The following SORBS2 variants were observed in gnomAD, a reference collection of about 807,000 sequenced individuals.
SORBS2 encodes the protein sorbin and SH3 domain containing 2.
A neutral mutation model predicts 97.7 loss-of-function variants in SORBS2; 46 were observed. The ratio of observed to expected loss-of-function variants is 0.47; its 90% CI spans 0.37 to 0.60. The LOEUF is 0.60. Ranked by LOEUF, SORBS2 falls within the 20% of genes least tolerant of loss-of-function variation. The pLI, the probability that SORBS2 is intolerant of heterozygous loss-of-function variation, is 0.00. For synonymous variants in SORBS2, 476 were observed against 473.4 expected (o/e 1.01, Z -0.07); for missense variants, 1,316 against 1,282.3 (o/e 1.03, Z -0.40).
At chr4:185,598,448 G>A (rs555171830) in intron 12 of SORBS2, among the ~76,000 whole-genome samples, 1 of 152,166 alleles carries the variant, frequency 6.6e-6, no homozygotes, top group Admixed American at 6.5e-5. Context: ...AAACATCATG[G>A]AGTCTGTAAC....
At chr4:185,656,440 CTTT>C (rs35080375) in intron 1 of SORBS2, among the ~76,000 whole-genome samples, 1 of 141,038 alleles carries the variant, frequency 7.1e-6, no homozygotes. Flanking sequence ...CTTACCACGG[CTTT>C]TTTTTTTTTT....
At chr4:185,643,372 G>C (rs939647914) in intron 4 of SORBS2, among the ~76,000 whole-genome samples, 3 of 152,218 alleles carry the variant, frequency 2.0e-5, no homozygotes, top group Non-Finnish European at 4.4e-5. Flanking sequence ...GGTGGGAGGA[G>C]AGATGAGGCT....
In SORBS2 at chr4:185,670,047, C is replaced by T. The variant is rs28404172; in HGVS notation, c.-45-7805G>A. ...CAGCCTGGACAACATGGTGAAACCC[C>T]GTCTCTACTAAAAATACAAAAATTA... On this transcript the variant is annotated intron_variant, in intron 4 of 20. Transcript: ENST00000284776. Among the ~76,000 whole-genome samples, 987 of 151,934 alleles carry T rather than the reference C, an allele frequency of 6.5e-3. 9 individuals are homozygous for T. The highest frequency in any genetic ancestry group is 0.022 in the African/African-American group (907 of 41,452).
At chr4:185,796,575 TCCCTGGTC>T (rs1319732293) in intron 1 of SORBS2, among the ~76,000 whole-genome samples, 4 of 90,852 alleles carry the variant, frequency 4.4e-5, no homozygotes, top group East Asian at 3.4e-4. Context: ...GCCACGCTGT[TCCCTGGTC>T]ACGGTGGGGC....
chr4:185,879,447 C>A (rs1041897260), intron 1 of SORBS2, among the ~76,000 whole-genome samples: 2 of 152,044 alleles, frequency 1.3e-5, no homozygotes, highest in Admixed American at 1.3e-4. Context: ...GGTTCCAAGT[C>A]TTTGCTATTG....
At chr4:185,739,313 C>A (rs1019511078) in intron 2 of SORBS2, among the ~76,000 whole-genome samples, 1 of 152,194 alleles carries the variant, frequency 6.6e-6, no homozygotes, top group East Asian at 1.9e-4. Context: ...AATAGCTATA[C>A]ACCTAAAATG....
chr4:185,676,412 T>C (rs1188575432), intron 4 of SORBS2, among the ~76,000 whole-genome samples: 1 of 152,244 alleles, frequency 6.6e-6, no homozygotes. Flanking sequence ...GAGAGAATTC[T>C]ACACACATGG....
At chr4:185,603,361 A>G (rs2096316852) in intron 12 of SORBS2, among the ~76,000 whole-genome samples, 1 of 152,216 alleles carries the variant, frequency 6.6e-6, no homozygotes, top group African/African-American at 2.4e-5. Context: ...ATTATTTAAA[A>G]CATTTCCTAA....
chr4:185,630,306 A>G (rs2096885983), intron 5 of SORBS2, among the ~76,000 whole-genome samples: 1 of 152,154 alleles, frequency 6.6e-6, no homozygotes, highest in African/African-American at 2.4e-5. Flanking sequence ...TAGGGGACTA[A>G]GGGAAGAGAA....
chr4:185,650,486 A>G (rs973350626), intron 2 of SORBS2, among the ~76,000 whole-genome samples: 3 of 152,204 alleles, frequency 2.0e-5, no homozygotes, highest in African/African-American at 7.2e-5. Flanking sequence ...TCGTCCACTG[A>G]TCAAATGATC....
At chr4:185,653,365 A>G (rs969769242) in intron 1 of SORBS2, among the ~76,000 whole-genome samples, 2 of 152,214 alleles carry the variant, frequency 1.3e-5, no homozygotes, top group African/African-American at 4.8e-5. Flanking sequence ...GTTCCTTGAG[A>G]GTAGAAGTCC....
At chr4:185,889,942 A>G (rs1429895447) in intron 1 of SORBS2, among the ~76,000 whole-genome samples, 1 of 152,016 alleles carries the variant, frequency 6.6e-6, no homozygotes, top group Non-Finnish European at 1.5e-5. Flanking sequence ...GCTGGAGTGC[A>G]ATGGTGCGAT....
intron 2 of SORBS2, chr4:185,772,937 T>C (rs1238831520): frequency 6.6e-6 from 1 of 152,226 alleles, no homozygotes; most frequent in Non-Finnish European, 1.5e-5. Context: ...GGTAGAATAC[T>C]TCTTTCATGT....
At position 185,683,607 on chromosome 4, in the gene SORBS2, A is replaced by AT. The variant is rs536601986; in HGVS notation, c.-197-4786dup. On this transcript the variant is annotated intron_variant, in intron 2 of 20. Transcript: ENST00000284776. ...CATACAAATAGAGATTTGTATAGAG[A>AT]TTTTTTTTTAACCAAAATGAGGTCA... Among the ~76,000 whole-genome samples the AT allele has an allele frequency of 1.6e-3, 244 of 151,732 alleles. 1 individual carries two copies. The highest frequency in any genetic ancestry group is 5.1e-3 in the Admixed American group (77 of 15,214).
chr4:185,659,326 A>G (rs960309483), upstream of SORBS2, among the ~76,000 whole-genome samples: 1 of 152,148 alleles, frequency 6.6e-6, no homozygotes, highest in Non-Finnish European at 1.5e-5. Flanking sequence ...GTCAAAGAAG[A>G]CATGGTGGTT....
intron 2 of SORBS2, among the ~76,000 whole-genome samples, chr4:185,769,908 A>G (rs1357731795): frequency 6.6e-6 from 1 of 152,204 alleles, no homozygotes; most frequent in Non-Finnish European, 1.5e-5. Context: ...CTGTTAGACA[A>G]CAGCAGCAAC....
At chr4:185,620,098 C>T (rs2096694118) in exon 8 of SORBS2, 4 of 1,612,254 alleles carry the variant, frequency 2.5e-6, no homozygotes, top group Non-Finnish European at 3.4e-6. Flanking sequence ...TCCCTTGGTG[C>T]ACTTCTCCCC....
At position 185,893,474 on chromosome 4, in the gene SORBS2, C is replaced by G. The variant is rs189542673; in HGVS notation, c.-338+62722G>C. 5.9e-4 allele frequency among the ~76,000 whole-genome samples: 90 copies of G among 152,304 alleles called. 1 individual carries two copies. Among genetic ancestry groups the G allele is most frequent in the African/African-American group, 2.0e-3 (85 of 41,574 alleles). ...CTGGGAGACCCGGGCCCTTCAGCAC[C>G]TCACTCATGGATGTTAAATCTGGAA... On this transcript the variant is annotated intron_variant, in intron 1 of 20. Coordinates refer to the SORBS2 transcript ENST00000284776.
chr4:185,866,014 G>T (rs1395534532), intron 1 of SORBS2, among the ~76,000 whole-genome samples: 5 of 152,154 alleles, frequency 3.3e-5, no homozygotes, highest in African/African-American at 1.2e-4. Context: ...GGAAATGCAG[G>T]TTTTGATATG....
Sources: gnomAD v4.1 joint callset for allele counts (sites outside exome capture counted in the v4.1 genomes callset) on GRCh38, gnomAD v4.1.1 for gene constraint, MANE v1.5 for transcripts, NCBI Gene and HGNC (gene_info 2026-07-23, HGNC 2026-07-21) for gene names.